Variants in INSR observed in about 807,000 individuals in gnomAD.
The protein encoded by INSR is insulin receptor, also known as IR.
A neutral mutation model predicts 142.6 loss-of-function variants in INSR; 67 were observed. That is an observed-to-expected ratio of 0.47 (90% CI 0.39 to 0.58). The LOEUF (loss-of-function observed/expected upper bound fraction) is 0.58, where lower values mean the gene tolerates loss of function less well. INSR is among the 20% of genes least tolerant of loss of function. INSR has a pLI of 0.00. For missense variants in INSR, 1,248 were observed against 1,833.2 expected (o/e 0.68, Z 5.83); for synonymous variants, 756 against 743.1 (o/e 1.02, Z -0.28).
At chr19:7,190,376 T>G (rs1974547006) in intron 2 of INSR, among the ~76,000 whole-genome samples, 1 of 147,996 alleles carries the variant, frequency 6.8e-6, no homozygotes, top group Non-Finnish European at 1.5e-5. Flanking sequence ...GTGGTTTTTT[T>G]TTTTTTTTTT....
intron 2 of INSR, among the ~76,000 whole-genome samples, chr19:7,199,996 A>C (rs957188909): frequency 6.6e-6 from 1 of 152,164 alleles, no homozygotes; most frequent in African/African-American, 2.4e-5. Flanking sequence ...GGAACAGTAC[A>C]TGCAAATGTG....
chr19:7,265,735 CAAAA>C (rs34734343), intron 2 of INSR, among the ~76,000 whole-genome samples: 14 of 133,604 alleles, frequency 1.0e-4, no homozygotes, highest in South Asian at 4.6e-4. Context: ...AACTCCATCT[CAAAA>C]AAAAAAAAAA....
chr19:7,202,808 GTTTTTT>G (rs1237008324), intron 2 of INSR, among the ~76,000 whole-genome samples: 3 of 151,980 alleles, frequency 2.0e-5, no homozygotes, highest in Admixed American at 2.0e-4. Context: ...GCCCTTTTCG[GTTTTTT>G]TGTTTTTGTT....
rs1024589179 is a variant in INSR, at chr19:7,112,687, A to G, written c.*4369T>C. On this transcript the variant is annotated 3_prime_UTR_variant, in exon 22 of 22. Transcript: ENST00000302850. ...GATTTTCAGTGGCCCGCACCCAGAT[A>G]GAAATTTGGCTGGTGGCTGGTTCTG... 3 of 152,270 alleles carry G rather than the reference A, an allele frequency of 2.0e-5. No homozygotes were observed. The South Asian group carries it at 6.2e-4, about 32-fold the overall frequency. The allele number at this position is 152,270 out of a possible 1,614,324, so 9.4% of individuals were successfully genotyped here.
Position 7,170,757 on chromosome 19 carries a change from G to GA in INSR, c.1269-7dup, listed in dbSNP as rs1262943746. 6.2e-6 allele frequency: 10 copies of GA among 1,605,350 alleles called. No homozygotes were observed. Among genetic ancestry groups the GA allele is most frequent in the Non-Finnish European group, 8.5e-6 (10 of 1,172,228 alleles). On this transcript the variant is annotated splice_region_variant and splice_polypyrimidine_tract_variant and intron_variant, in intron 5 of 21. Coordinates refer to ENST00000302850, the MANE Select transcript of INSR (RefSeq NM_000208.4). ...AGGCATAGAAGGAGTAGTTCCTATG[G>GA]AAAAAACACACACATCTAGTCATTC...
At chr19:7,270,329 TCTCTCTCTCTCACA>T (rs1967876787) in intron 1 of INSR, among the ~76,000 whole-genome samples, 1 of 70,728 alleles carries the variant, frequency 1.4e-5, no homozygotes, top group East Asian at 3.8e-4. Flanking sequence ...TCTCTCTCTC[TCTCTCTCTCTCACA>T]CACACACACA....
chr19:7,221,065 T>A (rs1009579274), intron 2 of INSR, among the ~76,000 whole-genome samples: 5 of 151,930 alleles, frequency 3.3e-5, no homozygotes, highest in African/African-American at 4.8e-5. Context: ...CTCTGCAGAG[T>A]CCCCACCGGC....
chr19:7,153,215 A>T (rs146293569), intron 9 of INSR, among the ~76,000 whole-genome samples: 1 of 41,184 alleles, frequency 2.4e-5, no homozygotes, highest in East Asian at 7.4e-4. Context: ...ACCACACACC[A>T]CACACACGCA....
chr19:7,148,680 C>T lies in INSR; in HGVS notation c.2267+1817G>A, dbSNP rs1973243549. Among the ~76,000 whole-genome samples the T allele has an allele frequency of 2.7e-5, 4 of 149,290 alleles. No homozygotes were observed. The South Asian group carries it at 6.3e-4, about 24-fold the overall frequency. ...TCTTGTAGTAACGGGGTTTCACCAT[C>T]TTGGTCAGGCTGGTCTCGAACTCCT... On this transcript the variant is annotated intron_variant, in intron 11 of 21. Transcript: ENST00000302850.
intron 1 of INSR, among the ~76,000 whole-genome samples, chr19:7,269,983 T>G (rs1484743616): frequency 6.6e-6 from 1 of 152,170 alleles, no homozygotes; most frequent in Admixed American, 6.6e-5. Context: ...GTTGTTTTGA[T>G]GTGGAGTCTC....
At chr19:7,284,275 G>A (rs929423202) in intron 1 of INSR, among the ~76,000 whole-genome samples, 3 of 152,008 alleles carry the variant, frequency 2.0e-5, no homozygotes, top group African/African-American at 7.2e-5. Context: ...ATGTTGCCCA[G>A]GCTGGTCTCA....
rs147233169 is a variant in INSR, at chr19:7,267,482, A to T, written c.515T>A (p.Ile172Asn). 1 of 1,614,002 alleles carries T rather than the reference A, an allele frequency of 6.2e-7. No homozygotes were observed. Among genetic ancestry groups the T allele is most frequent in the Non-Finnish European group, 8.5e-7 (1 of 1,180,008 alleles). The change falls in exon 2 of 22, where the codon ATC (isoleucine) becomes AAC (asparagine). Residue 172 changes from isoleucine (I) to asparagine (N), a missense_variant. Transcript: ENST00000302850. The surrounding 1 kb of genome is among the most constrained non-coding windows in gnomAD (Gnocchi z 6.3). ...CTCGTTGTCATCTTTGTTCAACACG[A>T]TGTAATTATCCTCCACGGAATCCAG... ...RILDSVEDNY[I>N]VLNKDDNEEC...
At chr19:7,191,371 G>GGAAATAAAA (rs142679841) in intron 2 of INSR, among the ~76,000 whole-genome samples, 1 of 149,594 alleles carries the variant, frequency 6.7e-6, no homozygotes, top group Non-Finnish European at 1.5e-5. Flanking sequence ...AGGGAAGGAG[G>GGAAATAAAA]GAAAGAAAAG....
chr19:7,185,106 T>C (rs1225075604), intron 2 of INSR, among the ~76,000 whole-genome samples: 3 of 152,136 alleles, frequency 2.0e-5, no homozygotes, highest in African/African-American at 7.2e-5. Flanking sequence ...GCACAAATAA[T>C]AGGAAAACAT....
At chr19:7,261,533 T>A (rs1327059893) in intron 2 of INSR, among the ~76,000 whole-genome samples, 1 of 151,214 alleles carries the variant, frequency 6.6e-6, no homozygotes, top group African/African-American at 2.4e-5. Context: ...CTAACCATTT[T>A]TTTTTCTTTT....
In INSR at chr19:7,125,612, C is replaced by G; in HGVS notation, c.3014-85G>C. On this transcript the variant is annotated intron_variant, in intron 16 of 21. Transcript: ENST00000302850. This position sits in a 1 kb window ranked among gnomAD's most constrained non-coding sequence, Gnocchi z 4.9. ...TTCCACCCAAGCCCTCACCCAAACCCCCTCGAAAACACTCATGAAATGAGT... is the reference window on the plus strand; with the variant it reads ...TTCCACCCAAGCCCTCACCCAAACCGCCTCGAAAACACTCATGAAATGAGT... The G allele has an allele frequency of 6.4e-7, 1 of 1,562,254 alleles. No individual in the cohort carries two copies. Among genetic ancestry groups the G allele is most frequent in the Non-Finnish European group, 8.7e-7 (1 of 1,146,382 alleles).
chr19:7,190,575 T>C (rs1974555052), intron 2 of INSR, among the ~76,000 whole-genome samples: 1 of 152,080 alleles, frequency 6.6e-6, no homozygotes, highest in Admixed American at 6.6e-5. Context: ...TTTCACCACG[T>C]TGGCCAGGCT....
Position 7,166,242 on chromosome 19 carries a change from G to T in INSR, c.1773C>A (p.Ile591=). 6.2e-7 allele frequency: 1 copy of T among 1,614,186 alleles called. No homozygotes were observed. Residue 591 remains isoleucine (I), a synonymous_variant, in exon 8 of 22, where the codon ATC becomes ATA. Coordinates refer to ENST00000302850, the MANE Select transcript of INSR (RefSeq NM_000208.4). The surrounding 1 kb of genome is among the most constrained non-coding windows in gnomAD (Gnocchi z 4.1). ...AAAAGGTGACCAGGGTCTTCACAAA[G>T]ATGGCATACTGGGTCCAGGGCTTGA... The part of the protein sequence containing the change: ...RGLKPWTQYA[I]FVKTLVTFSD...
intron 2 of INSR, among the ~76,000 whole-genome samples, chr19:7,265,532 C>T (rs770887030): frequency 7.2e-5 from 11 of 152,012 alleles, no homozygotes; most frequent in Non-Finnish European, 1.5e-4. Flanking sequence ...CCTGAGAGTT[C>T]GAGACCAGCC....
Sources: allele counts gnomAD v4.1 joint callset (sites outside exome capture counted in the v4.1 genomes callset), GRCh38; gene constraint gnomAD v4.1.1; non-coding constraint Gnocchi (gnomAD v3.1); transcripts MANE v1.5; gene names NCBI Gene and HGNC (gene_info 2026-07-23, HGNC 2026-07-21).